TTC7A: variants seen among roughly 807,000 people sequenced by gnomAD.
TTC7A encodes tetratricopeptide repeat protein 7A.
In TTC7A, 110 loss-of-function variants were observed where a neutral mutation model predicts 103.7. The observed-to-expected ratio is 1.06, with a 90% confidence interval of 0.91 to 1.24. The LOEUF is 1.24. Ranked by LOEUF, TTC7A falls within the 50% of genes most tolerant of loss-of-function variation. The pLI, the probability that TTC7A is intolerant of heterozygous loss-of-function variation, is 0.00. For missense variants in TTC7A, 1,340 were observed against 1,116.3 expected, an observed-to-expected ratio of 1.20 and a Z score of -2.86; for synonymous variants, 521 against 467.9, an observed-to-expected ratio of 1.11 and a Z score of -1.47.
intron 2 of TTC7A, among the ~76,000 whole-genome samples, chr2:46,953,142 T>C (rs1036383771): frequency 1.3e-5 from 2 of 152,140 alleles, no homozygotes; most frequent in African/African-American, 4.8e-5. Context: ...TAAAATAATA[T>C]ATTAAATGTC....
At chr2:47,045,064 G>A (rs1295429776) in intron 15 of TTC7A, among the ~76,000 whole-genome samples, 1 of 152,222 alleles carries the variant, frequency 6.6e-6, no homozygotes, top group Non-Finnish European at 1.5e-5. Flanking sequence ...CAGTGATCAA[G>A]TGCAGGCCCT....
intron 15 of TTC7A, among the ~76,000 whole-genome samples, chr2:47,030,692 A>G (rs1572964977): frequency 6.6e-6 from 1 of 151,970 alleles, no homozygotes; most frequent in Non-Finnish European, 1.5e-5. Flanking sequence ...GCCCTAGTCC[A>G]CACTAACCCC....
At chr2:46,947,350 A>C (rs1671029327) in intron 1 of TTC7A, among the ~76,000 whole-genome samples, 1 of 152,248 alleles carries the variant, frequency 6.6e-6, no homozygotes, top group African/African-American at 2.4e-5. Context: ...AACAAATATT[A>C]GTGCCTCTTT....
intron 2 of TTC7A, among the ~76,000 whole-genome samples, chr2:46,954,585 T>A: frequency 6.6e-6 from 1 of 150,532 alleles, no homozygotes; most frequent in Non-Finnish European, 1.5e-5. Flanking sequence ...TTTTTTTTTT[T>A]TGAGACAACG....
chr2:46,996,887 C>T (rs180735356), intron 8 of TTC7A, among the ~76,000 whole-genome samples: 5 of 152,286 alleles, frequency 3.3e-5, no homozygotes, highest in East Asian at 1.9e-4. Flanking sequence ...ATCCCCTCTC[C>T]GCCATTTCAC....
chr2:46,966,123 AT>A (rs1255536376), intron 3 of TTC7A, among the ~76,000 whole-genome samples: 2 of 151,878 alleles, frequency 1.3e-5, no homozygotes, highest in Non-Finnish European at 2.9e-5. Flanking sequence ...CTAATTTTGT[AT>A]TTTTAGTAGA....
chr2:46,927,005 A>G (rs1669418433), intron 2 of TTC7A, among the ~76,000 whole-genome samples: 1 of 152,236 alleles, frequency 6.6e-6, no homozygotes, highest in African/African-American at 2.4e-5. Context: ...AGACACACGA[A>G]AAGAGAGAAT....
At chr2:46,987,810 G>A (rs1296822223) in intron 5 of TTC7A, among the ~76,000 whole-genome samples, 3 of 50,610 alleles carry the variant, frequency 5.9e-5, no homozygotes, top group Non-Finnish European at 9.4e-5. Context: ...CTTTCCGCGC[G>A]TGTGTGTGTG....
chr2:47,021,987 C>T lies in TTC7A; in HGVS notation c.1510+8C>T. 5.6e-6 allele frequency: 9 copies of T among 1,597,470 alleles called. No individual in the cohort carries two copies. Among genetic ancestry groups the T allele is most frequent in the Non-Finnish European group, 7.7e-6 (9 of 1,166,786 alleles). ...GCCTGCAGGCCACCGACGGTGAGTG[C>T]CAGGCCCCAGGAGGCCTCTACTTGG... is the stretch of plus-strand genomic sequence containing the variant. On this transcript the variant is annotated splice_region_variant and intron_variant, in intron 12 of 19. Transcript: ENST00000319190.
intron 3 of TTC7A, among the ~76,000 whole-genome samples, chr2:46,969,215 A>AT (rs1673134395): frequency 1.3e-5 from 2 of 151,350 alleles, no homozygotes; most frequent in African/African-American, 2.4e-5. Flanking sequence ...TTTAAAAAAA[A>AT]AATCTGGGCC....
Position 47,060,708 on chromosome 2 carries a change from G to T in TTC7A, c.2153-61G>T. 2.7e-6 allele frequency: 4 copies of T among 1,492,218 alleles called. No homozygotes were observed. In the East Asian group the frequency reaches 9.1e-5, roughly 34 times the overall value. 92.4% of individuals were successfully genotyped at this position (1,492,218 alleles called of 1,614,324 possible). ...CCCTGGCTCTGAGGATGCAGGGAGGGGGTCAGGATGCCTCTGACTCCCCAC... is the reference window on the plus strand; with the variant it reads ...CCCTGGCTCTGAGGATGCAGGGAGGTGGTCAGGATGCCTCTGACTCCCCAC... On this transcript the variant is annotated intron_variant, in intron 18 of 19. Coordinates refer to ENST00000319190, the MANE Select transcript of TTC7A (RefSeq NM_020458.4).
At chr2:47,033,560 A>T (rs938718886) in intron 15 of TTC7A, among the ~76,000 whole-genome samples, 1 of 152,200 alleles carries the variant, frequency 6.6e-6, no homozygotes, top group South Asian at 2.1e-4. Flanking sequence ...TGTGAGAGCC[A>T]CAGTGAGGTC....
At chr2:46,975,511 T>C (rs1673790396) in intron 4 of TTC7A, among the ~76,000 whole-genome samples, 1 of 151,786 alleles carries the variant, frequency 6.6e-6, no homozygotes, top group East Asian at 2.0e-4. Context: ...TCTCCGAGCC[T>C]TTCAGAGGCT....
chr2:46,981,665 G>C (rs1167584729), intron 5 of TTC7A, among the ~76,000 whole-genome samples: 1 of 152,236 alleles, frequency 6.6e-6, no homozygotes, highest in Non-Finnish European at 1.5e-5. Context: ...GCTGCTGACT[G>C]TTCGATGTGG....
At chr2:47,049,204 C>A (rs373068558) in intron 16 of TTC7A, among the ~76,000 whole-genome samples, 3 of 152,162 alleles carry the variant, frequency 2.0e-5, no homozygotes, top group Non-Finnish European at 4.4e-5. Context: ...TTTCCCCAGT[C>A]AACAGGGTCA....
intron 11 of TTC7A, among the ~76,000 whole-genome samples, chr2:47,013,944 C>T (rs775834557): frequency 2.6e-5 from 4 of 152,132 alleles, no homozygotes; most frequent in African/African-American, 4.8e-5. Flanking sequence ...AGAGTGGGCT[C>T]CTGGCAACCT....
At chr2:46,993,304 C>T in intron 5 of TTC7A, 146 bp from the exon 6 acceptor site, 1 of 725,116 alleles carries the variant, frequency 1.4e-6, no homozygotes, top group Non-Finnish European at 2.4e-6. Flanking sequence ...CCTGGTGTTA[C>T]AACTCTAACT....
chr2:46,988,847 CCG>C (rs1331550908), intron 5 of TTC7A, among the ~76,000 whole-genome samples: 25 of 152,316 alleles, frequency 1.6e-4, no homozygotes, highest in African/African-American at 6.0e-4. Flanking sequence ...TTTGTGCTTG[CCG>C]TAAGCCTGCC....
At chr2:46,937,426 A>G (rs564524873), upstream of TTC7A, among the ~76,000 whole-genome samples, 15 of 152,204 alleles carry the variant, frequency 9.9e-5, 1 homozygote, top group African/African-American at 3.6e-4. This position sits in a 1 kb window ranked among gnomAD's most constrained non-coding sequence, Gnocchi z 4.0. Context: ...CCCTGTTTTC[A>G]TTTTTAGCTG....
Sources: allele counts gnomAD v4.1 joint callset (sites outside exome capture counted in the v4.1 genomes callset), GRCh38; gene constraint gnomAD v4.1.1; non-coding constraint Gnocchi (gnomAD v3.1); transcripts MANE v1.5; gene names NCBI Gene and HGNC (gene_info 2026-07-23, HGNC 2026-07-21).